The following CHRNE variants were observed in gnomAD, a reference collection of about 807,000 sequenced individuals.
CHRNE encodes the protein acetylcholine receptor subunit epsilon.
Under a neutral mutation model 56.5 loss-of-function variants are expected in CHRNE, and 58 were observed. That is an observed-to-expected ratio of 1.03 (90% CI 0.83 to 1.28). The LOEUF (loss-of-function observed/expected upper bound fraction) is 1.28. Ranked by LOEUF, CHRNE falls within the 50% of genes most tolerant of loss-of-function variation. The pLI, the probability that CHRNE is intolerant of heterozygous loss-of-function variation, is 0.00. For missense variants in CHRNE, 793 were observed against 688.9 expected (o/e 1.15, Z -1.69); for synonymous variants, 385 against 297.9 (o/e 1.29, Z -3.01).
chr17:4,907,592 ACT>A (rs1970108186), upstream of CHRNE, among the ~76,000 whole-genome samples: 1 of 131,846 alleles, frequency 7.6e-6, no homozygotes, highest in South Asian at 2.4e-4. Context: ...AAAAAAAAAC[ACT>A]CTCAGCCCAG....
rs1252059590 is a variant in CHRNE, at chr17:4,902,965, C to T, written c.46+53G>A. ...GTCTCTGTCTTTGTCTTCCCAGTCCCTTCATGTCAGTATCTGTGTGTGTCC... is the reference window on the plus strand; with the variant it reads ...GTCTCTGTCTTTGTCTTCCCAGTCCTTTCATGTCAGTATCTGTGTGTGTCC... On this transcript the variant is annotated intron_variant, in intron 1 of 11. Coordinates refer to ENST00000649488, the MANE Select transcript of CHRNE (RefSeq NM_000080.4). The surrounding 1 kb of genome is among the most constrained non-coding windows in gnomAD (Gnocchi z 4.0). 14 of 1,610,972 alleles carry T rather than the reference C, an allele frequency of 8.7e-6. No individual in the cohort carries two copies. The highest frequency in any genetic ancestry group is 5.0e-5 in the Admixed American group (3 of 59,988).
chr17:4,902,847 CAGGCCTCTG>C lies in CHRNE; in HGVS notation c.47-93_47-85del. ...CCCCTCTGCCTCCCCTGGGTCCTCACAGGCCTCTGAGGCTGTGTACTATCAGTATCTGTC... is the reference window on the plus strand; with the variant it reads ...CCCCTCTGCCTCCCCTGGGTCCTCACAGGCTGTGTACTATCAGTATCTGTC... On this transcript the variant is annotated intron_variant, in intron 1 of 11. Transcript: ENST00000649488. This position sits in a 1 kb window ranked among gnomAD's most constrained non-coding sequence, Gnocchi z 4.0. 6.2e-7 allele frequency: 1 copy of C among 1,601,958 alleles called. No homozygotes were observed. The highest frequency in any genetic ancestry group is 8.5e-7 in the Non-Finnish European group (1 of 1,169,754).
rs1402642569 is a variant in CHRNE, at chr17:4,901,128, T to A, written c.664A>T (p.Thr222Ser). 2 of 1,612,642 alleles carry A rather than the reference T, an allele frequency of 1.2e-6. No individual in the cohort carries two copies. The highest frequency in any genetic ancestry group is 2.7e-5 in the African/African-American group (2 of 75,018). Reference sequence around the variant, plus strand: ...ACGTCAGTCTCCCCTGGGCCGTCGGTGGCGCCACCGTGGTGGCGGCGGATC... The same window carrying A: ...ACGTCAGTCTCCCCTGGGCCGTCGGAGGCGCCACCGTGGTGGCGGCGGATC... ...GVIRRHHGGA[T>S]DGPGETDVIY... The change falls in exon 7 of 12, where the codon ACC becomes TCC. Residue 222 changes from threonine (T) to serine (S), a missense_variant. Thr to Ser is a moderately conservative substitution (Grantham distance 58). Transcript: ENST00000649488.
chr17:4,901,296 G>A, intron 6 of CHRNE, 106 bp from the exon 7 acceptor site: 3 of 1,285,188 alleles, frequency 2.3e-6, no homozygotes, highest in South Asian at 1.3e-5. Flanking sequence ...GTCATGGGCC[G>A]TCAGGATGGG....
rs1969822643 is a variant in CHRNE, at chr17:4,898,847, G to C, written c.1371C>G (p.Ile457Met). The C allele has an allele frequency of 6.3e-7, 1 of 1,593,866 alleles. No individual in the cohort carries two copies. Residue 457 changes from isoleucine to methionine, a missense_variant, in exon 12 of 12, where the codon ATC (isoleucine) becomes ATG (methionine). Physicochemically the swap from Ile to Met is conservative, Grantham distance 10 (BLOSUM62 1). Coordinates refer to ENST00000649488, the MANE Select transcript of CHRNE (RefSeq NM_000080.4). ...WVRMGNALDN[I>M]CFWAALVLFS... ...AGAGCACCAGAGCGGCCCAGAAGCAGATGTTGTCAAGGGCATTCCCCATGC... is the reference window on the plus strand; with the variant it reads ...AGAGCACCAGAGCGGCCCAGAAGCACATGTTGTCAAGGGCATTCCCCATGC...
chr17:4,899,656 A>T lies in CHRNE; in HGVS notation c.918-74T>A, dbSNP rs1170393911. ...GAAGGCGCCGCGCGCTGACCTCACA[A>T]ACACGGCTTCTCCTGGTACGGGCTG... On this transcript the variant is annotated intron_variant, in intron 8 of 11. Transcript: ENST00000649488. 8 of 1,450,190 alleles carry T rather than the reference A, an allele frequency of 5.5e-6. No individual in the cohort carries two copies. In the Admixed American group the frequency reaches 1.4e-4, roughly 25 times the overall value. 89.8% of individuals were successfully genotyped at this position (1,450,190 alleles called of 1,614,324 possible).
chr17:4,900,859 G>C lies in CHRNE; in HGVS notation c.851C>G (p.Thr284Ser), dbSNP rs1040580878. 6.2e-7 allele frequency: 1 copy of C among 1,614,088 alleles called. No individual in the cohort carries two copies. Among genetic ancestry groups the C allele is most frequent in the African/African-American group, 1.3e-5 (1 of 74,952 alleles). The change falls in exon 8 of 12, where the codon ACC becomes AGC. Residue 284 changes from threonine (T) to serine (S), a missense_variant. Thr to Ser is a moderately conservative substitution (Grantham distance 58). Coordinates refer to ENST00000649488, the MANE Select transcript of CHRNE (RefSeq NM_000080.4). ...CTGGGCAATGAGGAACAAGAAGACG[G>C]TCTGGGCGAGCAGGACGTTGATGGA... ...TVSINVLLAQ[T>S]VFLFLIAQKI...
rs781081435 is a variant in CHRNE, at chr17:4,898,582, A to C, written c.*154T>G. 76 of 1,056,276 alleles carry C rather than the reference A, an allele frequency of 7.2e-5. 1 individual carries two copies. The highest frequency in any genetic ancestry group is 9.1e-5 in the Non-Finnish European group (66 of 722,588). The allele number at this position is 1,056,276 out of a possible 1,614,324, so 65.4% of individuals were successfully genotyped here. On this transcript the variant is annotated 3_prime_UTR_variant, in exon 12 of 12. Coordinates refer to ENST00000649488, the MANE Select transcript of CHRNE (RefSeq NM_000080.4). ...CCCTGGACTGCGGCCAGGCCTACAC[A>C]CGCCAGGGAACGGGCACACACCATT... is the stretch of plus-strand genomic sequence containing the variant.
intron 8 of CHRNE, chr17:4,899,860 G>C (rs540854905): frequency 6.5e-7 from 1 of 1,550,374 alleles, no homozygotes; most frequent in Non-Finnish European, 8.7e-7. Context: ...GCTGCACCTC[G>C]AGACCTTCTG....
upstream of CHRNE, among the ~76,000 whole-genome samples, chr17:4,907,762 C>T (rs1200086829): frequency 6.6e-6 from 1 of 152,126 alleles, no homozygotes; most frequent in Non-Finnish European, 1.5e-5. Context: ...CAATAGTGGG[C>T]TGGGTGAGGT....
intron 8 of CHRNE, 46 bp downstream of exon 8, chr17:4,900,747 C>T (rs1223275181): frequency 5.7e-6 from 9 of 1,574,866 alleles, no homozygotes; most frequent in Admixed American, 1.8e-5. Flanking sequence ...TGGCCACGCC[C>T]CCACCCTTCA....
Position 4,902,710 on chromosome 17 carries a change from T to A in CHRNE, c.100A>T (p.Asn34Tyr), listed in dbSNP as rs1213436497. The change falls in exon 2 of 12, where the codon AAC becomes TAC. Residue 34 changes from asparagine (N) to tyrosine (Y), a missense_variant. Physicochemically the swap from Asn to Tyr is moderately radical, Grantham distance 143 (BLOSUM62 -2). Coordinates refer to ENST00000649488, the MANE Select transcript of CHRNE (RefSeq NM_000080.4). The surrounding 1 kb of genome is among the most constrained non-coding windows in gnomAD (Gnocchi z 4.0). Reference protein sequence around the residue: ...ELRLYHHLFNNYDPGSRPVRE... With the variant: ...ELRLYHHLFNYYDPGSRPVRE... The stretch of plus-strand genomic sequence containing the variant: ...ACTGGCCGGCTTCCTGGGTCATAGT[T>A]GTTGAAGAGATGGTGATAAAGACGC... 1.2e-6 allele frequency: 2 copies of A among 1,613,978 alleles called. No individual in the cohort carries two copies. Among genetic ancestry groups the A allele is most frequent in the East Asian group, 4.5e-5 (2 of 44,852 alleles).
rs1377386170 is a variant in CHRNE, at chr17:4,898,891, C to G, written c.1327G>C (p.Glu443Gln). 2.5e-6 allele frequency: 4 copies of G among 1,577,364 alleles called. No homozygotes were observed. The African/African-American group carries it at 4.0e-5, about 16-fold the overall frequency. Residue 443 changes from glutamate (E) to glutamine (Q), a missense_variant and splice_region_variant, in exon 12 of 12, where the codon GAA becomes CAA. Coordinates refer to ENST00000649488, the MANE Select transcript of CHRNE (RefSeq NM_000080.4). ...STRDQEATGE[E>Q]VSDWVRMGNA... Reference sequence around the variant, plus strand: ...CCCATGCGCACCCAGTCGGACACTTCCTGGGGAAGGGTCGGCACAGTCAGT... The same window carrying G: ...CCCATGCGCACCCAGTCGGACACTTGCTGGGGAAGGGTCGGCACAGTCAGT...
At chr17:4,900,312 C>T (rs1012817390) in intron 8 of CHRNE, 1 of 1,545,280 alleles carries the variant, frequency 6.5e-7, no homozygotes, top group African/African-American at 1.4e-5. Flanking sequence ...CGGCAGGGAT[C>T]CGGGTGCAGC....
At chr17:4,901,355 A>T (rs1969978913) in intron 6 of CHRNE, 165 bp from the exon 7 acceptor site, 2 of 951,344 alleles carry the variant, frequency 2.1e-6, no homozygotes, top group East Asian at 5.1e-5. Flanking sequence ...ATGGAAAGCC[A>T]GAAGGCAGGA....
At position 4,898,584 on chromosome 17, in the gene CHRNE, G is replaced by C; in HGVS notation, c.*152C>G. On this transcript the variant is annotated 3_prime_UTR_variant, in exon 12 of 12. Transcript: ENST00000649488. The stretch of plus-strand genomic sequence containing the variant: ...CTGGACTGCGGCCAGGCCTACACAC[G>C]CCAGGGAACGGGCACACACCATTCT... 1 of 1,080,164 alleles carries C rather than the reference G, an allele frequency of 9.3e-7. No individual in the cohort carries two copies. The highest frequency in any genetic ancestry group is 1.3e-6 in the Non-Finnish European group (1 of 743,708). The allele number at this position is 1,080,164 out of a possible 1,614,324, so 66.9% of individuals were successfully genotyped here. A position where few individuals can be genotyped will look rare whatever the true frequency, so the allele number is the denominator to read the frequency against.
Position 4,902,594 on chromosome 17 carries a change from C to G in CHRNE, c.189+27G>C. ...TTGGGGCCAGAAGTGGGATTTTTGGCTTAAGATGAGGGTGGGGGTAGCTTA... is the reference window on the plus strand; with the variant it reads ...TTGGGGCCAGAAGTGGGATTTTTGGGTTAAGATGAGGGTGGGGGTAGCTTA... On this transcript the variant is annotated intron_variant, in intron 2 of 11. Transcript: ENST00000649488. This position sits in a 1 kb window ranked among gnomAD's most constrained non-coding sequence, Gnocchi z 4.0. The G allele has an allele frequency of 6.2e-7, 1 of 1,614,100 alleles. No homozygotes were observed. Among genetic ancestry groups the G allele is most frequent in the Non-Finnish European group, 8.5e-7 (1 of 1,180,026 alleles).
chr17:4,899,720 C>G, intron 8 of CHRNE, 138 bp from the exon 9 acceptor site: 1 of 1,526,384 alleles, frequency 6.6e-7, no homozygotes, highest in Non-Finnish European at 8.9e-7. Context: ...CGACGACAGA[C>G]GCGTCCCCCA....
At chr17:4,903,613 G>A (rs573673619), upstream of CHRNE, among the ~76,000 whole-genome samples, 12 of 152,166 alleles carry the variant, frequency 7.9e-5, no homozygotes, top group African/African-American at 2.9e-4. Context: ...TTAGCCCTGC[G>A]GTACAGAGAT....
Sources: gnomAD v4.1 joint callset for allele counts (sites outside exome capture counted in the v4.1 genomes callset) on GRCh38, gnomAD v4.1.1 for gene constraint, Gnocchi (gnomAD v3.1) non-coding constraint, MANE v1.5 for transcripts, NCBI Gene and HGNC (gene_info 2026-07-23, HGNC 2026-07-21) for gene names.